The following ARID1A variants were observed in gnomAD, a reference collection of about 807,000 sequenced individuals.
The protein encoded by ARID1A is AT-rich interaction domain 1A, also known as AT-rich interactive domain-containing protein 1A.
ARID1A carries 20 observed loss-of-function variants against 212.6 expected under a neutral mutation model. The observed-to-expected ratio is 0.09, with a 90% CI of 0.07 to 0.14. The LOEUF is 0.14. ARID1A is among the 10% of genes least tolerant of loss of function. The pLI, the probability that ARID1A is intolerant of heterozygous loss-of-function variation, is 1.00. For synonymous variants in ARID1A, 1,376 were observed against 1,222.1 expected, an observed-to-expected ratio of 1.13 and a Z score of -2.63; for missense variants, 2,587 against 3,059.0, an observed-to-expected ratio of 0.85 and a Z score of 3.64.
At chr1:26,725,339 T>C (rs2080606072) in intron 1 of ARID1A, among the ~76,000 whole-genome samples, 1 of 152,208 alleles carries the variant, frequency 6.6e-6, no homozygotes, top group South Asian at 2.1e-4. Flanking sequence ...CCCTTCTCTG[T>C]TACGAGAGAT....
At chr1:26,760,746 G>A (rs766169450) in intron 4 of ARID1A, 110 bp from the exon 5 acceptor site, 52 of 1,198,028 alleles carry the variant, frequency 4.3e-5, no homozygotes, top group Middle Eastern at 2.2e-4. Context: ...CGTGTGTGAT[G>A]TATTTGCTCT....
chr1:26,746,373 C>T (rs1270930208), intron 4 of ARID1A, among the ~76,000 whole-genome samples: 1 of 152,162 alleles, frequency 6.6e-6, no homozygotes, highest in African/African-American at 2.4e-5. Context: ...TGGTGCTTTT[C>T]TGTCCAAAAA....
In ARID1A at chr1:26,780,604, C is replaced by G. The variant is rs763691986; in HGVS notation, c.6706C>G (p.Arg2236Gly). The change falls in exon 20 of 20, where the codon CGC becomes GGC. Residue 2236 changes from arginine to glycine, a missense_variant. Coordinates refer to ENST00000324856, the MANE Select transcript of ARID1A (RefSeq NM_006015.6). The surrounding 1 kb of genome is among the most constrained non-coding windows in gnomAD (Gnocchi z 7.2). ...TSVDMMRRAA[R>G]ALLALAKVDE... ...TGTGGACATGATGCGGCGGGCTGCC[C>G]GCGCGCTGCTTGCCTTGGCCAAGGT... 3.7e-6 allele frequency: 6 copies of G among 1,613,812 alleles called. No individual in the cohort carries two copies. Among genetic ancestry groups the G allele is most frequent in the Non-Finnish European group, 5.1e-6 (6 of 1,180,006 alleles).
At chr1:26,735,729 G>T (rs942816172) in intron 4 of ARID1A, among the ~76,000 whole-genome samples, 4 of 152,214 alleles carry the variant, frequency 2.6e-5, no homozygotes, top group African/African-American at 9.6e-5. Context: ...GTTCCTCTGT[G>T]ATTCTGTTGC....
rs2124138181 is a variant in ARID1A, at chr1:26,779,221, G to A, written c.5323G>A (p.Glu1775Lys). 2 of 1,613,932 alleles carry A rather than the reference G, an allele frequency of 1.2e-6. No individual in the cohort carries two copies. The change falls in exon 20 of 20, where the codon GAG (glutamate) becomes AAG (lysine). Residue 1775 changes from glutamate (E) to lysine (K), a missense_variant. Physicochemically the swap from Glu to Lys is moderately conservative, Grantham distance 56. Around this residue, in one of 11 missense-constraint regions of ARID1A, gnomAD observed 890 missense variants for 1,098.2 expected, o/e 0.81. Coordinates refer to ENST00000324856, the MANE Select transcript of ARID1A (RefSeq NM_006015.6). ...AGAACTTCTAGGTCCTAAACTAGAA[G>A]AGGAAGAAGAAGAGGAAGTAGTTGA... ...EEELLGPKLE[E>K]EEEEEVVEND...
chr1:26,753,876 G>A (rs1480912812), intron 4 of ARID1A, among the ~76,000 whole-genome samples: 1 of 152,156 alleles, frequency 6.6e-6, no homozygotes, highest in African/African-American at 2.4e-5. Context: ...GCGTGATCTC[G>A]GCTCATTGCA....
chr1:26,716,622 G>GTTTTGT (rs1348427120), intron 1 of ARID1A, among the ~76,000 whole-genome samples: 2 of 151,938 alleles, frequency 1.3e-5, no homozygotes, highest in African/African-American at 2.4e-5. Context: ...AGGCTCTTCT[G>GTTTTGT]TTTTGTTTTT....
intron 1 of ARID1A, among the ~76,000 whole-genome samples, chr1:26,714,147 T>C (rs1043892355): frequency 6.6e-6 from 1 of 152,190 alleles, no homozygotes; most frequent in African/African-American, 2.4e-5. Flanking sequence ...TGGCAAAGAA[T>C]AGAGACAATA....
intron 19 of ARID1A, among the ~76,000 whole-genome samples, chr1:26,777,269 A>G (rs1232739619): frequency 1.3e-5 from 2 of 152,020 alleles, no homozygotes; most frequent in East Asian, 1.9e-4. Flanking sequence ...TACTCAAGCT[A>G]GAGTGCAGTG....
chr1:26,718,030 A>G (rs2080519967), intron 1 of ARID1A, among the ~76,000 whole-genome samples: 1 of 152,182 alleles, frequency 6.6e-6, no homozygotes, highest in South Asian at 2.1e-4. Flanking sequence ...GCTGGAGTGC[A>G]AAGGTGCAAT....
At chr1:26,770,841 CG>C in intron 11 of ARID1A, 2 of 421,126 alleles carry the variant, frequency 4.7e-6, no homozygotes, top group East Asian at 8.1e-5. Context: ...ACTAAAAAAC[CG>C]GACTCTGAAT....
Position 26,772,612 on chromosome 1 carries a change from C to G in ARID1A, c.3519C>G (p.Ile1173Met). 6.2e-7 allele frequency: 1 copy of G among 1,614,188 alleles called. No homozygotes were observed. The change falls in exon 13 of 20, where the codon ATC (isoleucine) becomes ATG (methionine). Residue 1173 changes from isoleucine (I) to methionine (M), a missense_variant. Physicochemically the swap from Ile to Met is conservative, Grantham distance 10. Coordinates refer to ENST00000324856, the MANE Select transcript of ARID1A (RefSeq NM_006015.6). ...PTPASTPHSQ[I>M]PPLPGMSRSN... is the part of the protein sequence containing the mutation. ...CAGCATCCACACCACACAGTCAGAT[C>G]CCCCCATTGCCAGGCATGAGGTAAG...
rs1290694301 is a variant in ARID1A at position 26,714,626 on chromosome 1, A to G, written c.1138-15025A>G. Among the ~76,000 whole-genome samples the G allele has an allele frequency of 2.6e-5, 4 of 152,134 alleles. No homozygotes were observed. The East Asian group carries it at 7.7e-4, about 29-fold the overall frequency. On this transcript the variant is annotated intron_variant, in intron 1 of 19. Coordinates refer to ENST00000324856, the MANE Select transcript of ARID1A (RefSeq NM_006015.6). ...GAGATGGGGTTTCACTATGTCAGCCAGGCTGGTCTCGAACTCCTGACCTCA... is the reference window on the plus strand; with the variant it reads ...GAGATGGGGTTTCACTATGTCAGCCGGGCTGGTCTCGAACTCCTGACCTCA...
chr1:26,780,553 C>A lies in ARID1A; in HGVS notation c.6655C>A (p.Gln2219Lys), dbSNP rs2124151442. The A allele has an allele frequency of 6.2e-7, 1 of 1,614,124 alleles. No homozygotes were observed. Among genetic ancestry groups the A allele is most frequent in the Non-Finnish European group, 8.5e-7 (1 of 1,179,950 alleles). ...QQSQASLLHMQNPPFEPTSVD... is the reference protein window; with the variant it reads ...QQSQASLLHMKNPPFEPTSVD... ...GAGCCAGGCCAGCCTCCTCCACATG[C>A]AGAACCCACCCTTTGAGCCAACTAG... Residue 2219 changes from glutamine to lysine, a missense_variant, in exon 20 of 20, where the codon CAG (glutamine) becomes AAG (lysine). Gln to Lys is a moderately conservative substitution (Grantham distance 53, BLOSUM62 1). Around this residue, in one of 11 missense-constraint regions of ARID1A, gnomAD observed 24 missense variants for 16.5 expected, o/e 1.46. Coordinates refer to ENST00000324856, the MANE Select transcript of ARID1A (RefSeq NM_006015.6). This position sits in a 1 kb window ranked among gnomAD's most constrained non-coding sequence, Gnocchi z 7.2.
chr1:26,776,973 A>G (rs933726446), intron 19 of ARID1A, among the ~76,000 whole-genome samples: 1 of 152,138 alleles, frequency 6.6e-6, no homozygotes, highest in African/African-American at 2.4e-5. Flanking sequence ...TGATAGAGCA[A>G]TTTTCATATG....
At chr1:26,762,565 T>G (rs187749408) in intron 7 of ARID1A, among the ~76,000 whole-genome samples, 77 of 152,334 alleles carry the variant, frequency 5.1e-4, no homozygotes, top group African/African-American at 1.8e-3. Flanking sequence ...AGATTAGGTG[T>G]TTACTCCACC....
At position 26,780,697 on chromosome 1, in the gene ARID1A, A is replaced by T. The variant is rs2124153124; in HGVS notation, c.6799A>T (p.Met2267Leu). ...GTTGGACATCTCGGTATCACCGTTGATGAACTCATTGGTTTCACAAGTCAT... is the reference window on the plus strand; with the variant it reads ...GTTGGACATCTCGGTATCACCGTTGTTGAACTCATTGGTTTCACAAGTCAT... ...RLLDISVSPL[M>L]NSLVSQVICD... is the part of the protein sequence containing the mutation. The change falls in exon 20 of 20, where the codon ATG becomes TTG. Residue 2267 changes from methionine (M) to leucine (L), a missense_variant. Around this residue, in one of 11 missense-constraint regions of ARID1A, gnomAD observed 27 missense variants for 28.4 expected, o/e 0.95. Transcript: ENST00000324856. This position sits in a 1 kb window ranked among gnomAD's most constrained non-coding sequence, Gnocchi z 7.2. 1.3e-6 allele frequency: 2 copies of T among 1,597,402 alleles called. 1 individual carries two copies. The highest frequency in any genetic ancestry group is 2.2e-5 in the South Asian group (2 of 90,916).
At chr1:26,775,316 G>A (rs1246077744) in intron 18 of ARID1A, 96 bp downstream of exon 18, 1 of 1,481,676 alleles carries the variant, frequency 6.7e-7, no homozygotes. Context: ...GTTGAATCTG[G>A]TCCAGTGTTG....
intron 1 of ARID1A, among the ~76,000 whole-genome samples, chr1:26,724,243 T>G (rs2080595359): frequency 6.6e-6 from 1 of 152,152 alleles, no homozygotes; most frequent in Non-Finnish European, 1.5e-5. Context: ...TGAGTAGTGG[T>G]CAAGACTTCT....
Sources: gnomAD v4.1 joint callset for allele counts (sites outside exome capture counted in the v4.1 genomes callset) on GRCh38, gnomAD v4.1.1 for gene constraint, gnomAD v4.1.1 regional missense constraint, Gnocchi (gnomAD v3.1) non-coding constraint, MANE v1.5 for transcripts, NCBI Gene and HGNC (gene_info 2026-07-23, HGNC 2026-07-21) for gene names.